Variants in ARHGEF18 observed in about 807,000 individuals in gnomAD.
The protein encoded by ARHGEF18 is rho guanine nucleotide exchange factor 18.
A neutral mutation model predicts 155.7 loss-of-function variants in ARHGEF18; 93 were observed. The observed-to-expected ratio is 0.60, with a 90% CI of 0.50 to 0.71. ARHGEF18 has a LOEUF of 0.71. ARHGEF18 is among the 30% of genes least tolerant of loss of function. The pLI is 0.00. For missense variants in ARHGEF18, 1,593 were observed against 1,816.1 expected, an observed-to-expected ratio of 0.88 and a Z score of 2.23; for synonymous variants, 742 against 753.1, an observed-to-expected ratio of 0.99 and a Z score of 0.24.
At chr19:7,478,339 G>A in the ARHGEF18 span, 27 of 1,610,886 alleles carry the variant, frequency 1.7e-5, no homozygotes, top group African/African-American at 1.1e-4. Flanking sequence ...GTGGGGCTCC[G>A]CAGCCTCTGT....
chr19:7,457,101 G>A (rs988272553), intron 18 of ARHGEF18, among the ~76,000 whole-genome samples: 4 of 152,186 alleles, frequency 2.6e-5, no homozygotes, highest in African/African-American at 9.6e-5. Context: ...CCATGGACTG[G>A]GTGGTTTAGA....
chr19:7,438,634 C>T (rs1007502810), intron 10 of ARHGEF18, among the ~76,000 whole-genome samples: 3 of 152,010 alleles, frequency 2.0e-5, no homozygotes, highest in Non-Finnish European at 4.4e-5. Flanking sequence ...TAGTCTTGAA[C>T]TCCCCATCTC....
At chr19:7,442,093 A>G in intron 13 of ARHGEF18, 41 bp downstream of exon 13, 1 of 1,605,756 alleles carries the variant, frequency 6.2e-7, no homozygotes, top group Non-Finnish European at 8.5e-7. Context: ...CCGGCCCTCC[A>G]CTCTCTTCTC....
intron 10 of ARHGEF18, among the ~76,000 whole-genome samples, chr19:7,385,919 T>C (rs1200362216): frequency 6.0e-5 from 4 of 66,154 alleles, no homozygotes; most frequent in East Asian, 1.1e-3. Flanking sequence ...TCTCTCCCTC[T>C]CTCTCTCTCT....
chr19:7,407,961 C>CAAAAAAAA (rs71179104), intron 10 of ARHGEF18, among the ~76,000 whole-genome samples: 5 of 48,790 alleles, frequency 1.0e-4, no homozygotes, highest in African/African-American at 4.2e-4. Context: ...GACTCCGTCT[C>CAAAAAAAA]AAAAAAAAAA....
chr19:7,439,683 C>T (rs1391946168), intron 10 of ARHGEF18: 9 of 1,211,974 alleles, frequency 7.4e-6, no homozygotes, highest in African/African-American at 3.1e-5. Flanking sequence ...TGACCAGGGG[C>T]GGCTAAACAC....
intron 2 of ARHGEF18, among the ~76,000 whole-genome samples, chr19:7,365,674 C>T (rs1467428569): frequency 2.6e-5 from 4 of 152,176 alleles, no homozygotes. Flanking sequence ...AAATCTGCCC[C>T]CTCTTCCTGA....
At chr19:7,371,690 G>A (rs1399565435) in intron 2 of ARHGEF18, among the ~76,000 whole-genome samples, 1 of 151,844 alleles carries the variant, frequency 6.6e-6, no homozygotes, top group African/African-American at 2.4e-5. Flanking sequence ...ACATAATGGT[G>A]GGTGCCTGTA....
At chr19:7,409,288 T>C (rs1436551419) in intron 10 of ARHGEF18, among the ~76,000 whole-genome samples, 1 of 139,266 alleles carries the variant, frequency 7.2e-6, no homozygotes, top group Non-Finnish European at 1.5e-5. Flanking sequence ...CTTGATCTCC[T>C]GACCTTGTGA....
At chr19:7,459,431 G>A (rs1976059175) in intron 19 of ARHGEF18, among the ~76,000 whole-genome samples, 1 of 152,056 alleles carries the variant, frequency 6.6e-6, no homozygotes, top group African/African-American at 2.4e-5. Context: ...TGTTGCCCAG[G>A]CTGGTCTTGA....
At chr19:7,410,473 A>G (rs1208597428) in intron 10 of ARHGEF18, among the ~76,000 whole-genome samples, 1 of 151,696 alleles carries the variant, frequency 6.6e-6, no homozygotes, top group African/African-American at 2.4e-5. Flanking sequence ...ATGTAACTAG[A>G]CCTGAATTAA....
chr19:7,384,924 G>A (rs1328121554), intron 10 of ARHGEF18, among the ~76,000 whole-genome samples: 1 of 152,066 alleles, frequency 6.6e-6, no homozygotes, highest in Non-Finnish European at 1.5e-5. Flanking sequence ...CAAACTCCTG[G>A]ACTCAAGCGA....
chr19:7,362,096 A>G (rs1307423762), intron 1 of ARHGEF18, among the ~76,000 whole-genome samples: 1 of 21,044 alleles, frequency 4.8e-5, no homozygotes, highest in Non-Finnish European at 8.0e-5. Context: ...AAGGAGAAGG[A>G]GAAGGAGAAG....
In ARHGEF18 at chr19:7,467,464, G is replaced by T; in HGVS notation, c.3260G>T (p.Arg1087Leu). ...QHQELERAGA[R>L]LQEREGEARQ... ...CAGGAGCTGGAGCGTGCGGGCGCGC[G>T]GCTGCAGGAGCGCGAGGGCGAGGCG... The change falls in exon 26 of 29, where the codon CGG becomes CTG. Residue 1087 changes from arginine (R) to leucine (L), a missense_variant. Physicochemically the swap from Arg to Leu is moderately radical, Grantham distance 102. Transcript: ENST00000668164. 6.7e-7 allele frequency: 1 copy of T among 1,496,280 alleles called. No individual in the cohort carries two copies. The highest frequency in any genetic ancestry group is 1.3e-5 in the South Asian group (1 of 79,000). 92.7% of individuals were successfully genotyped at this position (1,496,280 alleles called of 1,614,324 possible).
Position 7,383,081 on chromosome 19 carries a change from T to C in ARHGEF18, c.845T>C (p.Leu282Pro). ...ATCCAGGGGAAGAGCCCAGCACATC[T>C]GAAGGACAAGGGCCAGGATGCACGA... is the stretch of plus-strand genomic sequence containing the variant. ...QKEKGKSPAH[L>P]KDKGQDARER... is the part of the protein sequence containing the mutation. Residue 282 changes from leucine (L) to proline (P), a missense_variant, in exon 10 of 29, where the codon CTG becomes CCG. By Grantham distance (98) the Leu-to-Pro change is moderately conservative. Coordinates refer to ENST00000668164, the MANE Select transcript of ARHGEF18 (RefSeq NM_001367823.1). 1.6e-6 allele frequency: 2 copies of C among 1,232,416 alleles called. No homozygotes were observed. Among genetic ancestry groups the C allele is most frequent in the Non-Finnish European group, 2.0e-6 (2 of 988,182 alleles). 76.3% of individuals were successfully genotyped at this position (1,232,416 alleles called of 1,614,324 possible). A position where few individuals can be genotyped will look rare whatever the true frequency, so the allele number is the denominator to read the frequency against.
At chr19:7,387,125 G>C (rs1014376323) in intron 10 of ARHGEF18, among the ~76,000 whole-genome samples, 2 of 152,078 alleles carry the variant, frequency 1.3e-5, no homozygotes, top group Non-Finnish European at 2.9e-5. Context: ...GCAAACTGCA[G>C]TCCATCACCT....
intron 17 of ARHGEF18, among the ~76,000 whole-genome samples, chr19:7,455,715 G>T (rs1298272835): frequency 1.3e-5 from 2 of 152,148 alleles, no homozygotes; most frequent in Non-Finnish European, 2.9e-5. Flanking sequence ...AAAGAAAGAG[G>T]TTTAATGGAC....
chr19:7,437,928 C>CCA (rs1481887307), intron 10 of ARHGEF18, among the ~76,000 whole-genome samples: 5 of 152,122 alleles, frequency 3.3e-5, no homozygotes, highest in African/African-American at 1.2e-4. Context: ...CAGGCATGAG[C>CCA]CACTGCACCT....
the ARHGEF18 span, chr19:7,478,213 A>G: frequency 3.8e-6 from 5 of 1,305,222 alleles, no homozygotes; most frequent in Non-Finnish European, 5.4e-6. Flanking sequence ...ACCTGAGCAC[A>G]ACAGTCCCCA....
Sources: allele counts gnomAD v4.1 joint callset (sites outside exome capture counted in the v4.1 genomes callset), GRCh38; gene constraint gnomAD v4.1.1; transcripts MANE v1.5; gene names NCBI Gene and HGNC (gene_info 2026-07-23, HGNC 2026-07-21).